The following CAMKMT variants were observed in gnomAD, a reference collection of about 807,000 sequenced individuals.
The protein encoded by CAMKMT is CaM KMT.
A neutral mutation model predicts 48.0 loss-of-function variants in CAMKMT; 53 were observed. That is an observed-to-expected ratio of 1.10 (90% CI 0.89 to 1.39). The LOEUF (loss-of-function observed/expected upper bound fraction) is 1.39, where lower values mean the gene tolerates loss of function less well. Ranked by LOEUF, CAMKMT falls within the 40% of genes most tolerant of loss-of-function variation. The probability of loss-of-function intolerance (pLI) is 0.00; values close to 1 mark genes in which losing one functional copy is unlikely to be tolerated. For synonymous variants in CAMKMT, 165 were observed against 152.3 expected (o/e 1.08, Z -0.61); for missense variants, 428 against 402.7 (o/e 1.06, Z -0.54).
chr2:44,614,936 C>CTTGTTTTTTT (rs1671791334), intron 3 of CAMKMT, among the ~76,000 whole-genome samples: 1 of 48,990 alleles, frequency 2.0e-5, no homozygotes, highest in Non-Finnish European at 3.3e-5. Context: ...GGTCTCCTTG[C>CTTGTTTTTTT]TTTTTTTTTT....
intron 3 of CAMKMT, among the ~76,000 whole-genome samples, chr2:44,496,241 A>G (rs1669746258): frequency 6.6e-6 from 1 of 152,206 alleles, no homozygotes; most frequent in Non-Finnish European, 1.5e-5. Context: ...TTTTAAATGA[A>G]TTGATCCCTT....
At chr2:44,629,403 C>T (rs945796564) in intron 3 of CAMKMT, among the ~76,000 whole-genome samples, 9 of 149,916 alleles carry the variant, frequency 6.0e-5, no homozygotes, top group Non-Finnish European at 1.0e-4. Context: ...ACCTACCTAT[C>T]TCACTGTGTA....
intron 1 of CAMKMT, among the ~76,000 whole-genome samples, chr2:44,369,345 A>G (rs1441110824): frequency 6.6e-6 from 1 of 152,188 alleles, no homozygotes; most frequent in African/African-American, 2.4e-5. Flanking sequence ...ATTCATACTG[A>G]TATATTTTCT....
At chr2:44,406,263 TC>T (rs1166805638) in intron 3 of CAMKMT, among the ~76,000 whole-genome samples, 1 of 152,144 alleles carries the variant, frequency 6.6e-6, no homozygotes, top group Admixed American at 6.5e-5. Context: ...AGCGCCTTTG[TC>T]ATTTTGCCTT....
chr2:44,519,909 T>G (rs1671014541), intron 3 of CAMKMT, among the ~76,000 whole-genome samples: 1 of 152,044 alleles, frequency 6.6e-6, no homozygotes, highest in Non-Finnish European at 1.5e-5. Flanking sequence ...TTCCAGATAG[T>G]TTTTAAATTT....
intron 3 of CAMKMT, among the ~76,000 whole-genome samples, chr2:44,658,628 T>C (rs1573010427): frequency 6.6e-6 from 1 of 152,214 alleles, no homozygotes; most frequent in African/African-American, 2.4e-5. Flanking sequence ...AGACAATCTA[T>C]CTACCCTCTG....
intron 3 of CAMKMT, among the ~76,000 whole-genome samples, chr2:44,583,894 A>G (rs1488110959): frequency 6.6e-6 from 1 of 152,222 alleles, no homozygotes; most frequent in African/African-American, 2.4e-5. Flanking sequence ...ACAAGTGTAT[A>G]CAAATATCCA....
At chr2:44,497,090 G>A (rs1486941208) in intron 3 of CAMKMT, among the ~76,000 whole-genome samples, 2 of 152,142 alleles carry the variant, frequency 1.3e-5, no homozygotes, top group Non-Finnish European at 2.9e-5. Context: ...TGTTAAAAAT[G>A]TGACAAAATT....
chr2:44,526,198 G>A (rs971509294), intron 3 of CAMKMT, among the ~76,000 whole-genome samples: 5 of 152,130 alleles, frequency 3.3e-5, no homozygotes, highest in African/African-American at 7.2e-5. Flanking sequence ...AGATTTCAAA[G>A]TGAAATTTTG....
chr2:44,622,022 C>T (rs909061831), intron 3 of CAMKMT, among the ~76,000 whole-genome samples: 3 of 152,114 alleles, frequency 2.0e-5, no homozygotes, highest in Non-Finnish European at 2.9e-5. Flanking sequence ...AGATAAGAAT[C>T]AAGTATAACT....
At chr2:44,547,288 T>C (rs539402097) in intron 3 of CAMKMT, among the ~76,000 whole-genome samples, 3 of 152,190 alleles carry the variant, frequency 2.0e-5, no homozygotes, top group Admixed American at 1.3e-4. Context: ...TCTATGCTGA[T>C]AGTTGGAAAG....
intron 3 of CAMKMT, among the ~76,000 whole-genome samples, chr2:44,522,403 C>A (rs1671166470): frequency 6.6e-6 from 1 of 152,160 alleles, no homozygotes; most frequent in African/African-American, 2.4e-5. Flanking sequence ...CAATCTATCA[C>A]ATTAGACAAA....
chr2:44,691,458 A>G (rs555195451), intron 3 of CAMKMT, among the ~76,000 whole-genome samples: 76 of 152,352 alleles, frequency 5.0e-4, no homozygotes, highest in African/African-American at 1.8e-3. Context: ...CTGAGTTAAA[A>G]TGGACATTTT....
At chr2:44,687,362 A>C (rs1362254070) in intron 3 of CAMKMT, among the ~76,000 whole-genome samples, 1 of 152,152 alleles carries the variant, frequency 6.6e-6, no homozygotes, top group South Asian at 2.1e-4. Context: ...ACTCCTTGAG[A>C]GGAGGGGCTG....
chr2:44,518,258 A>G (rs1394905567), intron 3 of CAMKMT, among the ~76,000 whole-genome samples: 1 of 152,200 alleles, frequency 6.6e-6, no homozygotes. Flanking sequence ...AGAATCAACA[A>G]GGAAGGGGCC....
At chr2:44,469,033 G>C (rs1288884762) in intron 3 of CAMKMT, among the ~76,000 whole-genome samples, 1 of 152,158 alleles carries the variant, frequency 6.6e-6, no homozygotes, top group Non-Finnish European at 1.5e-5. Flanking sequence ...AGGAAGAGTA[G>C]GGTGAAGGAA....
In CAMKMT at chr2:44,503,888, G is replaced by A. The variant is rs529937253; in HGVS notation, c.376+113583G>A. On this transcript the variant is annotated intron_variant, in intron 3 of 10. Transcript: ENST00000378494. ...TCTCCTGGCTTGTCCTAGAAGGGCT[G>A]TCTTATCCTTATGTTCTTACATGGC... Among the ~76,000 whole-genome samples the A allele has an allele frequency of 6.6e-5, 10 of 151,932 alleles. No individual in the cohort carries two copies. In the East Asian group the frequency reaches 1.7e-3, roughly 27 times the overall value.
chr2:44,580,841 G>T (rs1669517164), intron 3 of CAMKMT, among the ~76,000 whole-genome samples: 1 of 152,210 alleles, frequency 6.6e-6, no homozygotes, highest in Non-Finnish European at 1.5e-5. Flanking sequence ...GCCCCGGTCA[G>T]TTGTTAGCTC....
intron 3 of CAMKMT, among the ~76,000 whole-genome samples, chr2:44,643,107 C>T (rs1022420898): frequency 6.6e-6 from 1 of 152,152 alleles, no homozygotes; most frequent in Admixed American, 6.5e-5. Flanking sequence ...CTTTAGCATT[C>T]ATTATACTTT....
Sources: allele counts gnomAD v4.1 joint callset (sites outside exome capture counted in the v4.1 genomes callset), GRCh38; gene constraint gnomAD v4.1.1; transcripts MANE v1.5; gene names NCBI Gene and HGNC (gene_info 2026-07-23, HGNC 2026-07-21).